Variants in THSD7A observed in about 807,000 individuals in gnomAD.
The protein encoded by THSD7A is thrombospondin type-1 domain-containing protein 7A.
A neutral mutation model predicts 231.3 loss-of-function variants in THSD7A; 96 were observed. That is an observed-to-expected ratio of 0.41 (90% CI 0.35 to 0.49). THSD7A has a LOEUF of 0.49. THSD7A is among the 20% of genes least tolerant of loss of function. THSD7A has a pLI of 0.05. For synonymous variants in THSD7A, 940 were observed against 743.3 expected (o/e 1.26, Z -4.30); for missense variants, 2,290 against 2,070.2 (o/e 1.11, Z -2.06).
chr7:11,627,277 C>T (rs1781502539), intron 2 of THSD7A, among the ~76,000 whole-genome samples: 1 of 151,806 alleles, frequency 6.6e-6, no homozygotes, highest in Admixed American at 6.6e-5. Context: ...ATCATATTTA[C>T]TTAAAAAAAG....
At chr7:11,531,539 C>T (rs768525840) in intron 6 of THSD7A, among the ~76,000 whole-genome samples, 1 of 152,164 alleles carries the variant, frequency 6.6e-6, no homozygotes, top group Admixed American at 6.5e-5. Context: ...GCATTTTCTA[C>T]CTCTGGGTCT....
At chr7:11,386,383 A>T (rs1304069794) in intron 23 of THSD7A, among the ~76,000 whole-genome samples, 3 of 152,092 alleles carry the variant, frequency 2.0e-5, no homozygotes, top group East Asian at 1.9e-4. Flanking sequence ...CATCCATTGT[A>T]TCCTGACTTT....
intron 6 of THSD7A, among the ~76,000 whole-genome samples, chr7:11,513,824 T>C (rs907747620): frequency 6.6e-6 from 1 of 152,170 alleles, no homozygotes; most frequent in South Asian, 2.1e-4. Flanking sequence ...AACAATTTGA[T>C]GTGTTGATTA....
intron 6 of THSD7A, among the ~76,000 whole-genome samples, chr7:11,516,398 C>T (rs1017693198): frequency 6.6e-6 from 1 of 152,316 alleles, no homozygotes; most frequent in Admixed American, 6.5e-5. Context: ...ATTCACGATT[C>T]TAGATGACCT....
rs1423499757 is a variant in THSD7A, at chr7:11,429,237, C to A, written c.3065-112G>T. The A allele has an allele frequency of 3.9e-6, 4 of 1,014,634 alleles. No homozygotes were observed. In the East Asian group the frequency reaches 1.1e-4, roughly 27 times the overall value. 62.9% of individuals were successfully genotyped at this position (1,014,634 alleles called of 1,614,324 possible). ...CCAAGACTGACTTGACAGCAGCATG[C>A]AAATGCAGAGGTGTCTCTGTTGTAA... is the stretch of plus-strand genomic sequence containing the variant. On this transcript the variant is annotated intron_variant, in intron 13 of 27. Transcript: ENST00000423059.
At chr7:11,715,368 T>C (rs1302166692) in intron 1 of THSD7A, among the ~76,000 whole-genome samples, 5 of 151,562 alleles carry the variant, frequency 3.3e-5, no homozygotes, top group East Asian at 2.0e-4. Flanking sequence ...AATAGTACAA[T>C]AGCAATTCTA....
chr7:11,516,598 C>T (rs918449700), intron 6 of THSD7A, among the ~76,000 whole-genome samples: 1 of 152,188 alleles, frequency 6.6e-6, no homozygotes, highest in Admixed American at 6.5e-5. Flanking sequence ...GAAATTCTGT[C>T]AATAACATTT....
intron 13 of THSD7A, among the ~76,000 whole-genome samples, chr7:11,434,221 G>A (rs535964215): frequency 6.6e-6 from 1 of 152,086 alleles, no homozygotes; most frequent in Admixed American, 6.6e-5. Flanking sequence ...TTATAGCAAT[G>A]TATGGTTTCT....
chr7:11,610,820 A>C (rs1780897263), intron 2 of THSD7A, among the ~76,000 whole-genome samples: 1 of 152,180 alleles, frequency 6.6e-6, no homozygotes, highest in Non-Finnish European at 1.5e-5. Flanking sequence ...TGTTCAACTT[A>C]ATGGAAAAGT....
intron 1 of THSD7A, among the ~76,000 whole-genome samples, chr7:11,788,522 T>C (rs1783857299): frequency 2.0e-5 from 3 of 152,212 alleles, no homozygotes; most frequent in Admixed American, 2.0e-4. Flanking sequence ...CTACACAAAC[T>C]GCTTATGCCC....
intron 1 of THSD7A, among the ~76,000 whole-genome samples, chr7:11,809,951 A>G (rs1273244786): frequency 6.6e-6 from 1 of 152,192 alleles, no homozygotes; most frequent in Non-Finnish European, 1.5e-5. Flanking sequence ...GCTGTATAAG[A>G]AAGTTAAACA....
At chr7:11,641,294 A>C (rs75096074) in intron 1 of THSD7A, among the ~76,000 whole-genome samples, 16,843 of 152,126 alleles carry the variant, frequency 0.11, 1,088 homozygotes, top group Non-Finnish European at 0.16. Flanking sequence ...TTTTAATTTC[A>C]ATGGCTTACT....
At chr7:11,739,854 A>C (rs1331637315) in intron 1 of THSD7A, among the ~76,000 whole-genome samples, 1 of 152,014 alleles carries the variant, frequency 6.6e-6, no homozygotes, top group African/African-American at 2.4e-5. Context: ...TCAGAAGTGC[A>C]ATGCCAAGGA....
At chr7:11,389,783 C>A (rs1439497304) in intron 23 of THSD7A, among the ~76,000 whole-genome samples, 1 of 152,008 alleles carries the variant, frequency 6.6e-6, no homozygotes, top group Middle Eastern at 3.2e-3. Flanking sequence ...GTGCTTCCTT[C>A]AGGAGCTCTG....
chr7:11,784,423 A>T (rs1783724719), intron 1 of THSD7A, among the ~76,000 whole-genome samples: 1 of 151,598 alleles, frequency 6.6e-6, no homozygotes, highest in African/African-American at 2.4e-5. Flanking sequence ...GATATACGTT[A>T]GTCTGTCATT....
intron 1 of THSD7A, among the ~76,000 whole-genome samples, chr7:11,680,126 G>T (rs1783811467): frequency 6.6e-6 from 1 of 151,400 alleles, no homozygotes; most frequent in Non-Finnish European, 1.5e-5. Flanking sequence ...AATAAATGGT[G>T]TTGGGAAAAC....
At chr7:11,658,126 A>G (rs1310838243) in intron 1 of THSD7A, among the ~76,000 whole-genome samples, 4 of 151,768 alleles carry the variant, frequency 2.6e-5, no homozygotes, top group African/African-American at 9.7e-5. Flanking sequence ...ATGAACACAT[A>G]GGTTAAAGAA....
intron 1 of THSD7A, among the ~76,000 whole-genome samples, chr7:11,782,718 T>C (rs1332231657): frequency 1.3e-5 from 2 of 152,168 alleles, no homozygotes; most frequent in African/African-American, 4.8e-5. Flanking sequence ...CTCCTACTTC[T>C]TAAAGATATT....
At chr7:11,527,867 C>T (rs1168959707) in intron 6 of THSD7A, among the ~76,000 whole-genome samples, 1 of 152,080 alleles carries the variant, frequency 6.6e-6, no homozygotes. Flanking sequence ...TTAAACATAG[C>T]TTCAGGCTCG....
Sources: allele counts gnomAD v4.1 joint callset (sites outside exome capture counted in the v4.1 genomes callset), GRCh38; gene constraint gnomAD v4.1.1; transcripts MANE v1.5; gene names NCBI Gene and HGNC (gene_info 2026-07-23, HGNC 2026-07-21).